Variants in ALK observed in about 807,000 individuals in gnomAD.
ALK encodes the protein ALK receptor tyrosine kinase.
In ALK, 74 loss-of-function variants were observed where a neutral mutation model predicts 163.1. The observed-to-expected ratio is 0.45, with a 90% confidence interval of 0.38 to 0.55. ALK has a LOEUF of 0.55. Among genes scored for constraint, ALK ranks in the 20% least tolerant of loss-of-function variants. The probability of loss-of-function intolerance (pLI) is 0.00; values close to 1 mark genes in which losing one functional copy is unlikely to be tolerated. For synonymous variants in ALK, 960 were observed against 843.2 expected (o/e 1.14, Z -2.40); for missense variants, 2,063 against 2,105.3 (o/e 0.98, Z 0.39).
At chr2:29,220,355 G>T (rs534657410) in intron 23 of ALK, among the ~76,000 whole-genome samples, 1 of 152,044 alleles carries the variant, frequency 6.6e-6, no homozygotes. Flanking sequence ...GTTTCCTGAG[G>T]CCTCCCCAAC....
chr2:29,827,232 G>A (rs947204140), intron 1 of ALK, among the ~76,000 whole-genome samples: 3 of 152,360 alleles, frequency 2.0e-5, no homozygotes, highest in African/African-American at 7.2e-5. Flanking sequence ...AGAGCTGGAA[G>A]TGAAGGCCTT....
chr2:29,732,316 G>T lies in ALK; in HGVS notation c.668-14619C>A, dbSNP rs377335152. ...ACTGCTGTAGTCAGAATATGAGAGAGAAATAAAACAAGATGCAAAAGTGAC... is the reference window on the plus strand; with the variant it reads ...ACTGCTGTAGTCAGAATATGAGAGATAAATAAAACAAGATGCAAAAGTGAC... On this transcript the variant is annotated intron_variant, in intron 1 of 28. Coordinates refer to ENST00000389048, the MANE Select transcript of ALK (RefSeq NM_004304.5). 9.9e-5 allele frequency among the ~76,000 whole-genome samples: 15 copies of T among 152,274 alleles called. No homozygotes were observed. The East Asian group carries it at 1.5e-3, about 16-fold the overall frequency.
intron 4 of ALK, among the ~76,000 whole-genome samples, chr2:29,403,243 C>T (rs575467885): frequency 7.2e-5 from 11 of 152,292 alleles, no homozygotes; most frequent in Middle Eastern, 3.4e-3. Flanking sequence ...AAGGCCAAAG[C>T]GGAATCCTTT....
intron 1 of ALK, among the ~76,000 whole-genome samples, chr2:29,879,408 C>T (rs1666800617): frequency 6.6e-6 from 1 of 152,244 alleles, no homozygotes; most frequent in Non-Finnish European, 1.5e-5. Context: ...AAAGTGTCAA[C>T]TGAACTAACT....
At chr2:29,301,432 C>T (rs755694155) in intron 8 of ALK, among the ~76,000 whole-genome samples, 4 of 152,158 alleles carry the variant, frequency 2.6e-5, no homozygotes, top group African/African-American at 4.8e-5. Flanking sequence ...AGCAAGGGCA[C>T]GTTGTAGGAA....
At chr2:29,430,861 T>G (rs960261551) in intron 4 of ALK, among the ~76,000 whole-genome samples, 2 of 152,208 alleles carry the variant, frequency 1.3e-5, no homozygotes, top group Non-Finnish European at 2.9e-5. Flanking sequence ...TTTGGACACC[T>G]TGATCGGGAA....
intron 27 of ALK, 40 bp downstream of exon 27, chr2:29,197,502 T>C (rs2148143070): frequency 6.2e-7 from 1 of 1,608,942 alleles, no homozygotes; most frequent in Non-Finnish European, 8.5e-7. Flanking sequence ...AAAGAAAAAC[T>C]GCTTAGTAAC....
intron 4 of ALK, among the ~76,000 whole-genome samples, chr2:29,503,662 C>G (rs1273407128): frequency 1.3e-5 from 2 of 152,084 alleles, no homozygotes; most frequent in African/African-American, 2.4e-5. Context: ...AGCCCAGGGG[C>G]ATGAGTGAAG....
chr2:29,689,463 C>A (rs896190217), intron 3 of ALK, among the ~76,000 whole-genome samples: 1 of 152,174 alleles, frequency 6.6e-6, no homozygotes, highest in African/African-American at 2.4e-5. Flanking sequence ...CTTTTAAGAA[C>A]ATGGCAAACT....
At chr2:29,407,503 GA>G (rs1210489759) in intron 4 of ALK, among the ~76,000 whole-genome samples, 1 of 152,256 alleles carries the variant, frequency 6.6e-6, no homozygotes, top group Non-Finnish European at 1.5e-5. Context: ...GCTCGTAATA[GA>G]GGCTGAGTTT....
intron 6 of ALK, among the ~76,000 whole-genome samples, chr2:29,324,097 C>T (rs964398035): frequency 5.9e-5 from 9 of 152,212 alleles, no homozygotes; most frequent in Admixed American, 2.6e-4. Context: ...AACCAACCCC[C>T]TTCTTGGGCT....
intron 1 of ALK, among the ~76,000 whole-genome samples, chr2:29,854,327 G>A (rs1046152783): frequency 6.6e-6 from 1 of 152,162 alleles, no homozygotes; most frequent in Non-Finnish European, 1.5e-5. Context: ...GCTGGGAAGT[G>A]TTTTGGTTAT....
chr2:29,516,438 G>T (rs1307774864), intron 4 of ALK, among the ~76,000 whole-genome samples: 2 of 152,196 alleles, frequency 1.3e-5, no homozygotes, highest in African/African-American at 2.4e-5. Flanking sequence ...GGGGTCCACT[G>T]GGTAGGTGGT....
chr2:29,500,560 C>CT (rs1040639914), intron 4 of ALK, among the ~76,000 whole-genome samples: 2 of 152,246 alleles, frequency 1.3e-5, no homozygotes, highest in South Asian at 2.1e-4. Context: ...GGTCTAGCCT[C>CT]TTCTTTTTTT....
chr2:29,554,175 C>T (rs1461896912), intron 3 of ALK, among the ~76,000 whole-genome samples: 1 of 152,056 alleles, frequency 6.6e-6, no homozygotes, highest in African/African-American at 2.4e-5. Flanking sequence ...TAAAGGTATA[C>T]CTTGCTTTAT....
At chr2:29,675,771 T>A (rs1677854606) in intron 3 of ALK, among the ~76,000 whole-genome samples, 2 of 152,100 alleles carry the variant, frequency 1.3e-5, no homozygotes, top group Admixed American at 1.3e-4. Flanking sequence ...CATTGATTAT[T>A]TCCTGTGTAG....
intron 1 of ALK, among the ~76,000 whole-genome samples, chr2:29,785,786 G>A (rs553312725): frequency 5.6e-5 from 8 of 144,106 alleles, no homozygotes; most frequent in South Asian, 2.4e-4. Context: ...CCCCACCCCC[G>A]GCCTCCCGTC....
chr2:29,566,881 C>A (rs758820137), intron 3 of ALK, among the ~76,000 whole-genome samples: 6 of 151,426 alleles, frequency 4.0e-5, no homozygotes, highest in Non-Finnish European at 7.4e-5. Flanking sequence ...AAACAGAATG[C>A]AATATGATAT....
At chr2:29,422,813 T>C (rs1670048555) in intron 4 of ALK, among the ~76,000 whole-genome samples, 1 of 152,154 alleles carries the variant, frequency 6.6e-6, no homozygotes, top group Non-Finnish European at 1.5e-5. Context: ...CCTACAGATA[T>C]TAGAAATCTT....
Sources: allele counts gnomAD v4.1 joint callset (sites outside exome capture counted in the v4.1 genomes callset), GRCh38; gene constraint gnomAD v4.1.1; transcripts MANE v1.5; gene names NCBI Gene and HGNC (gene_info 2026-07-23, HGNC 2026-07-21).